The following DGKB variants were observed in gnomAD, a reference collection of about 807,000 sequenced individuals.
DGKB encodes the protein 90 kDa diacylglycerol kinase.
Under a neutral mutation model 114.3 loss-of-function variants are expected in DGKB, and 67 were observed. That is an observed-to-expected ratio of 0.59 (90% confidence interval 0.48 to 0.72). DGKB has a LOEUF of 0.72. Among genes scored for constraint, DGKB ranks in the 30% least tolerant of loss-of-function variants. The probability of loss-of-function intolerance (pLI) is 0.00; values close to 1 mark genes in which losing one functional copy is unlikely to be tolerated. For synonymous variants in DGKB, 398 were observed against 323.1 expected (o/e 1.23, Z -2.49); for missense variants, 907 against 975.2 (o/e 0.93, Z 0.93).
chr7:14,414,868 G>A (rs927397622), intron 21 of DGKB, among the ~76,000 whole-genome samples: 1 of 151,986 alleles, frequency 6.6e-6, no homozygotes, highest in African/African-American at 2.4e-5. Flanking sequence ...TATTCCCTGT[G>A]TAACTTATCC....
intron 1 of DGKB, among the ~76,000 whole-genome samples, chr7:14,855,830 T>C (rs1003690551): frequency 3.9e-5 from 6 of 152,166 alleles, no homozygotes; most frequent in African/African-American, 1.4e-4. Flanking sequence ...GCAACTCATA[T>C]ATATCTTTGA....
intron 21 of DGKB, among the ~76,000 whole-genome samples, chr7:14,446,275 G>A (rs967578760): frequency 1.3e-5 from 2 of 152,140 alleles, no homozygotes; most frequent in Non-Finnish European, 2.9e-5. Flanking sequence ...TCAATCGAAA[G>A]TGGTTCTTTT....
intron 2 of DGKB, among the ~76,000 whole-genome samples, chr7:14,790,733 T>TAG (rs1223386939): frequency 6.6e-6 from 1 of 152,172 alleles, no homozygotes; most frequent in Non-Finnish European, 1.5e-5. Flanking sequence ...TAAAATTGGG[T>TAG]AGACAAATTC....
intron 21 of DGKB, among the ~76,000 whole-genome samples, chr7:14,476,755 AT>A (rs11386744): frequency 0.36 from 48,686 of 135,094 alleles, 8,118 homozygotes; most frequent in Admixed American, 0.46. Context: ...TACTAAAAAC[AT>A]TTTTTTTTTT....
chr7:14,463,853 C>T (rs375998299), intron 21 of DGKB, among the ~76,000 whole-genome samples: 9 of 152,142 alleles, frequency 5.9e-5, no homozygotes, highest in African/African-American at 2.2e-4. Flanking sequence ...GTATCTGGAA[C>T]ATACCCCAGC....
chr7:14,199,919 A>T (rs951494970), intron 23 of DGKB, among the ~76,000 whole-genome samples: 4 of 152,032 alleles, frequency 2.6e-5, no homozygotes, highest in Admixed American at 2.6e-4. Flanking sequence ...CAAAACAAAC[A>T]AACAAACAAA....
chr7:14,248,948 T>C (rs12537544), intron 23 of DGKB, among the ~76,000 whole-genome samples: 18,971 of 152,208 alleles, frequency 0.12, 1,426 homozygotes, highest in East Asian at 0.21. Flanking sequence ...TTTCAACTTT[T>C]CACTGTTGAG....
At chr7:14,555,364 C>A (rs1795729530) in intron 20 of DGKB, among the ~76,000 whole-genome samples, 1 of 152,062 alleles carries the variant, frequency 6.6e-6, no homozygotes, top group Non-Finnish European at 1.5e-5. Context: ...GCATTTAGTA[C>A]ACGGCAAGGA....
chr7:14,891,595 G>A (rs78357860), intron 1 of DGKB, among the ~76,000 whole-genome samples: 6,500 of 151,498 alleles, frequency 0.043, 192 homozygotes, highest in East Asian at 0.15. Context: ...GAAGCTTTGC[G>A]TAAAAGCAAG....
At chr7:14,841,858 T>G (rs1395704317) in intron 1 of DGKB, among the ~76,000 whole-genome samples, 1 of 152,220 alleles carries the variant, frequency 6.6e-6, no homozygotes, top group Non-Finnish European at 1.5e-5. Flanking sequence ...TGAATTAATT[T>G]TGGAGAAGTC....
chr7:14,621,482 T>C lies in DGKB; in HGVS notation c.1180A>G (p.Thr394Ala), dbSNP rs1286846471. The C allele has an allele frequency of 6.3e-7, 1 of 1,598,052 alleles. No homozygotes were observed. Among genetic ancestry groups the C allele is most frequent in the Non-Finnish European group, 8.5e-7 (1 of 1,172,010 alleles). ...GVSVPEERQS[T>A]VKKEKSGSQQ... ...GAACCACTCTTTTCCTTTTTCACTGTTGATTGTCTTTCCTGTAAAAAAGAA... is the reference window on the plus strand; with the variant it reads ...GAACCACTCTTTTCCTTTTTCACTGCTGATTGTCTTTCCTGTAAAAAAGAA... Residue 394 changes from threonine (T) to alanine (A), a missense_variant, in exon 15 of 26, where the codon ACA (threonine) becomes GCA (alanine). By Grantham distance (58) the Thr-to-Ala change is moderately conservative. Transcript: ENST00000402815.
intron 2 of DGKB, among the ~76,000 whole-genome samples, chr7:14,778,472 CA>C (rs1834404067): frequency 6.6e-6 from 1 of 152,154 alleles, no homozygotes; most frequent in African/African-American, 2.4e-5. Flanking sequence ...GCTTATTAAT[CA>C]GATTTCATTT....
At chr7:14,786,006 C>A (rs1281850059) in intron 2 of DGKB, among the ~76,000 whole-genome samples, 1 of 151,660 alleles carries the variant, frequency 6.6e-6, no homozygotes, top group East Asian at 1.9e-4. Flanking sequence ...TATTCCTTGG[C>A]AGAAAATCCT....
chr7:14,160,548 ACTT>A (rs1783726663), intron 25 of DGKB, among the ~76,000 whole-genome samples: 1 of 152,032 alleles, frequency 6.6e-6, no homozygotes, highest in African/African-American at 2.4e-5. Context: ...TAGGAATACG[ACTT>A]ACTTACAAGG....
intron 21 of DGKB, among the ~76,000 whole-genome samples, chr7:14,405,982 G>A (rs897427740): frequency 6.6e-6 from 1 of 151,912 alleles, no homozygotes; most frequent in Non-Finnish European, 1.5e-5. Context: ...GCTTGAAGGA[G>A]AAAAAGGAGG....
intron 9 of DGKB, among the ~76,000 whole-genome samples, chr7:14,688,927 T>C (rs1822202338): frequency 2.0e-5 from 3 of 151,880 alleles, no homozygotes. Flanking sequence ...ACTTCCAAGA[T>C]CACATAAAAT....
chr7:14,721,137 A>C (rs1564010700), intron 5 of DGKB, among the ~76,000 whole-genome samples: 1 of 152,216 alleles, frequency 6.6e-6, no homozygotes, highest in Non-Finnish European at 1.5e-5. Flanking sequence ...TCAGAACAAA[A>C]CAAAAAAGAA....
At chr7:14,404,281 A>G (rs1823593606) in intron 21 of DGKB, among the ~76,000 whole-genome samples, 1 of 151,646 alleles carries the variant, frequency 6.6e-6, no homozygotes, top group African/African-American at 2.4e-5. Context: ...TTCAATTTAG[A>G]TGCAATGCCC....
chr7:14,363,717 CA>C (rs1189405122), intron 21 of DGKB, among the ~76,000 whole-genome samples: 1 of 151,994 alleles, frequency 6.6e-6, no homozygotes, highest in Non-Finnish European at 1.5e-5. Flanking sequence ...TGTGTATGTG[CA>C]TTTTATCTTT....
Sources: gnomAD v4.1 joint callset for allele counts (sites outside exome capture counted in the v4.1 genomes callset) on GRCh38, gnomAD v4.1.1 for gene constraint, MANE v1.5 for transcripts, NCBI Gene and HGNC (gene_info 2026-07-23, HGNC 2026-07-21) for gene names.